Variants in SOS1 observed in about 807,000 individuals in gnomAD.
SOS1 encodes son of sevenless homolog 1.
A neutral mutation model predicts 157.6 loss-of-function variants in SOS1; 25 were observed. The observed-to-expected ratio is 0.16, with a 90% CI of 0.12 to 0.22. SOS1 has a LOEUF of 0.22. Among genes scored for constraint, SOS1 ranks in the 10% least tolerant of loss-of-function variants. SOS1 has a pLI of 1.00. For synonymous variants in SOS1, 528 were observed against 534.0 expected (o/e 0.99, Z 0.16); for missense variants, 1,237 against 1,599.1 (o/e 0.77, Z 3.86).
intron 1 of SOS1, among the ~76,000 whole-genome samples, chr2:39,106,619 C>A (rs77733389): frequency 0.049 from 6,494 of 132,084 alleles, 1,067 homozygotes; most frequent in African/African-American, 0.21. Context: ...AAAAACAAAA[C>A]ATCTGAGTAA....
intron 1 of SOS1, among the ~76,000 whole-genome samples, chr2:39,082,936 C>G (rs1672258081): frequency 6.6e-6 from 1 of 152,068 alleles, no homozygotes. Flanking sequence ...TATATGTGGT[C>G]TTGATAGAAA....
At chr2:39,006,582 C>CA (rs904076123) in intron 16 of SOS1, 53 bp from the exon 17 acceptor site, 37 of 893,860 alleles carry the variant, frequency 4.1e-5, no homozygotes, top group Non-Finnish European at 5.8e-5. Flanking sequence ...AAGGTCTTGT[C>CA]AAAAAAAATA....
intron 1 of SOS1, among the ~76,000 whole-genome samples, chr2:39,089,062 CTAA>C (rs2148184056): frequency 6.6e-6 from 1 of 152,266 alleles, no homozygotes; most frequent in South Asian, 2.1e-4. Context: ...TCCCATTTCG[CTAA>C]TGATGAGTGT....
intron 10 of SOS1, 68 bp from the exon 11 acceptor site, chr2:39,014,914 A>G (rs1669583941): frequency 1.1e-6 from 1 of 899,526 alleles, no homozygotes; most frequent in Admixed American, 1.8e-5. Flanking sequence ...TGTTATGTAC[A>G]TTTTCAAAAT....
At chr2:39,017,896 C>T (rs1414350501) in intron 10 of SOS1, among the ~76,000 whole-genome samples, 5 of 151,870 alleles carry the variant, frequency 3.3e-5, no homozygotes, top group Admixed American at 1.3e-4. Flanking sequence ...CCACTGGAGA[C>T]GTTTATCTTA....
chr2:39,091,593 A>G (rs1054725873), intron 1 of SOS1, among the ~76,000 whole-genome samples: 1 of 151,840 alleles, frequency 6.6e-6, no homozygotes, highest in African/African-American at 2.4e-5. Context: ...AGAACTCGAA[A>G]AAAAAAAAAA....
chr2:39,067,483 T>C (rs536087944), intron 2 of SOS1, 145 bp downstream of exon 2: 5 of 781,776 alleles, frequency 6.4e-6, no homozygotes, highest in South Asian at 5.8e-5. Context: ...GGATAAGGGA[T>C]ACTCAACCTG....
At chr2:39,006,838 G>A (rs1669297336) in intron 16 of SOS1, among the ~76,000 whole-genome samples, 193 bp downstream of exon 16, 1 of 152,066 alleles carries the variant, frequency 6.6e-6, no homozygotes, top group Non-Finnish European at 1.5e-5. Flanking sequence ...TGGGACCTGT[G>A]AATACATTTT....
intron 10 of SOS1, among the ~76,000 whole-genome samples, chr2:39,015,522 G>A (rs1214576972): frequency 1.3e-5 from 2 of 151,738 alleles, no homozygotes; most frequent in Non-Finnish European, 2.9e-5. Flanking sequence ...ATAAATATAG[G>A]AGTCTCCAAT....
chr2:39,001,209 T>C (rs750243772), intron 17 of SOS1, among the ~76,000 whole-genome samples: 1 of 152,158 alleles, frequency 6.6e-6, no homozygotes, highest in African/African-American at 2.4e-5. Context: ...ACTACAGGAA[T>C]GCACCACCAT....
At chr2:39,070,423 G>A (rs977497215) in intron 1 of SOS1, among the ~76,000 whole-genome samples, 15 of 152,008 alleles carry the variant, frequency 9.9e-5, no homozygotes, top group African/African-American at 3.6e-4. Context: ...CCATGTCCTT[G>A]TAGAGTTCCA....
intron 10 of SOS1, among the ~76,000 whole-genome samples, chr2:39,018,263 C>G (rs1039334788): frequency 6.6e-6 from 1 of 151,832 alleles, no homozygotes; most frequent in Non-Finnish European, 1.5e-5. Context: ...CTTTCTCAAA[C>G]ATGATCTCCT....
chr2:38,993,792 G>C (rs1668807206), intron 20 of SOS1: 1 of 152,120 alleles, frequency 6.6e-6, no homozygotes, highest in African/African-American at 2.4e-5. Flanking sequence ...TCTAGTATTA[G>C]ATTCTAGTAT....
chr2:39,077,969 T>A (rs1472627558), intron 1 of SOS1, among the ~76,000 whole-genome samples: 5 of 152,204 alleles, frequency 3.3e-5, no homozygotes, highest in African/African-American at 1.2e-4. Context: ...TAAGAACTAC[T>A]GCTTAATCAA....
rs752994841 is a variant in SOS1 at position 39,054,688 on chromosome 2, T to C, written c.646A>G (p.Ile216Val). Residue 216 changes from isoleucine to valine, a missense_variant, in exon 5 of 23, where the codon ATA becomes GTA. By Grantham distance (29) the Ile-to-Val change is conservative. Transcript: ENST00000402219. ...TTTATAATTAGATTTAGTTCCCTTATATATTGTCGAATTTCTGCCATAAAT... is the reference window on the plus strand; with the variant it reads ...TTTATAATTAGATTTAGTTCCCTTACATATTGTCGAATTTCTGCCATAAAT... ...KAFMAEIRQYIRELNLIIKVF... is the reference protein window; with the variant it reads ...KAFMAEIRQYVRELNLIIKVF... The C allele has an allele frequency of 1.3e-6, 2 of 1,599,988 alleles. No homozygotes were observed. The highest frequency in any genetic ancestry group is 2.7e-5 in the African/African-American group (2 of 74,646).
chr2:39,033,671 A>T (rs1049819553), intron 8 of SOS1, among the ~76,000 whole-genome samples: 29 of 152,110 alleles, frequency 1.9e-4, no homozygotes, highest in Non-Finnish European at 3.1e-4. Context: ...AGTAGCTGGA[A>T]CCACAGGTGT....
intron 8 of SOS1, among the ~76,000 whole-genome samples, chr2:39,025,812 C>T (rs373995035): frequency 1.3e-5 from 2 of 152,116 alleles, no homozygotes; most frequent in African/African-American, 4.8e-5. Flanking sequence ...ATGCACATAC[C>T]ACATGCACTG....
chr2:39,054,091 C>T (rs550275782), intron 5 of SOS1, among the ~76,000 whole-genome samples: 2 of 152,212 alleles, frequency 1.3e-5, no homozygotes, highest in African/African-American at 2.4e-5. Context: ...CCACGCCCGG[C>T]TAATTTTTTG....
chr2:39,025,044 G>A (rs781415967), intron 8 of SOS1, among the ~76,000 whole-genome samples: 5 of 152,172 alleles, frequency 3.3e-5, no homozygotes, highest in Non-Finnish European at 7.3e-5. Flanking sequence ...CTTAACAGAT[G>A]TATGAGTCAC....
Sources: gnomAD v4.1 joint callset for allele counts (sites outside exome capture counted in the v4.1 genomes callset) on GRCh38, gnomAD v4.1.1 for gene constraint, MANE v1.5 for transcripts, NCBI Gene and HGNC (gene_info 2026-07-23, HGNC 2026-07-21) for gene names.